The following SRSF3 variants were observed in gnomAD, a reference collection of about 807,000 sequenced individuals.
SRSF3 encodes serine/arginine-rich splicing factor 3.
For missense variants in SRSF3, 58 were observed against 217.1 expected (o/e 0.27, Z 4.61); for synonymous variants, 87 against 73.6 (o/e 1.18, Z -0.93).
intron 4 of SRSF3, 139 bp downstream of exon 4, chr6:36,601,329 C>G: frequency 2.4e-6 from 2 of 820,572 alleles, no homozygotes; most frequent in South Asian, 3.5e-5. Context: ...AGTCAGCTTT[C>G]TTTGAGTTTT....
intron 3 of SRSF3, chr6:36,600,340 ATTC>A: frequency 2.1e-6 from 2 of 940,144 alleles, no homozygotes; most frequent in Middle Eastern, 5.4e-4. Context: ...GCTTAAAGTA[ATTC>A]TTTTTTCTGG....
At position 36,601,940 on chromosome 6, in the gene SRSF3, CTTTTTTTTTTTTT is replaced by C. The variant is rs778276944; in HGVS notation, c.468-15_468-3del. The C allele has an allele frequency of 3.8e-5, 55 of 1,433,168 alleles. 3 individuals are homozygous for C. The Admixed American group carries it at 1.4e-3, about 37-fold the overall frequency. The allele number at this position is 1,433,168 out of a possible 1,614,324, so 88.8% of individuals were successfully genotyped here. On this transcript the variant is annotated splice_polypyrimidine_tract_variant and intron_variant, in intron 5 of 5. Transcript: ENST00000373715. ...AGTTACAGATGTAATGTTTTGTTTT[CTTTTTTTTTTTTT>C]TTTTTTAGTCGATCTAGGTCAAATG...
rs1228342135 is a variant in SRSF3 at position 36,603,107 on chromosome 6, T to A, written c.*1118T>A. On this transcript the variant is annotated 3_prime_UTR_variant, in exon 6 of 6. Coordinates refer to ENST00000373715, the MANE Select transcript of SRSF3 (RefSeq NM_003017.5). ...TTTTTTTTTAGGCATAGAAGCCAGTTCAGGGTCCATAATATTTAGTGACCA... is the reference window on the plus strand; with the variant it reads ...TTTTTTTTTAGGCATAGAAGCCAGTACAGGGTCCATAATATTTAGTGACCA... 4.5e-6 allele frequency: 1 copy of A among 222,962 alleles called. No homozygotes were observed. The highest frequency in any genetic ancestry group is 2.2e-5 in the African/African-American group (1 of 44,810). 13.8% of individuals were successfully genotyped at this position (222,962 alleles called of 1,614,324 possible). A position where few individuals can be genotyped will look rare whatever the true frequency, so the allele number is the denominator to read the frequency against.
chr6:36,598,537 C>A (rs1305707509), intron 2 of SRSF3: 5 of 260,276 alleles, frequency 1.9e-5, no homozygotes, highest in Non-Finnish European at 3.8e-5. Context: ...GCATGTACCA[C>A]CACACCTGGC....
At position 36,603,607 on chromosome 6, in the gene SRSF3, A is replaced by G. The variant is rs964097960; in HGVS notation, c.*1618A>G. The G allele has an allele frequency of 3.5e-5, 8 of 228,966 alleles. No individual in the cohort carries two copies. Among genetic ancestry groups the G allele is most frequent in the African/African-American group, 1.8e-4 (8 of 45,152 alleles). The allele number at this position is 228,966 out of a possible 1,614,324, so 14.2% of individuals were successfully genotyped here. On this transcript the variant is annotated 3_prime_UTR_variant, in exon 6 of 6. Transcript: ENST00000373715. ...CACCTTTTACACAAATCTTGGGAGA[A>G]TTGGTGTCAGGAAGGTTCAGCCTTA...
At chr6:36,597,944 C>T (rs1017816298) in intron 2 of SRSF3, among the ~76,000 whole-genome samples, 10 of 152,106 alleles carry the variant, frequency 6.6e-5, no homozygotes, top group African/African-American at 2.4e-4. Context: ...ATCCTCCTGC[C>T]TCAGCCTCTC....
Position 36,602,270 on chromosome 6 carries a change from A to C in SRSF3, c.*281A>C. 1 of 438,404 alleles carries C rather than the reference A, an allele frequency of 2.3e-6. No homozygotes were observed. The highest frequency in any genetic ancestry group is 3.8e-6 in the Non-Finnish European group (1 of 261,308). The allele number at this position is 438,404 out of a possible 1,614,324, so 27.2% of individuals were successfully genotyped here. ...TGAACTTTTAGTTATGCACAGACTG[A>C]TAATAAACCTCTAAACCTGCCCAGC... On this transcript the variant is annotated 3_prime_UTR_variant, in exon 6 of 6. Transcript: ENST00000373715.
At chr6:36,596,147 C>T (rs1222889319) in intron 1 of SRSF3, among the ~76,000 whole-genome samples, 1 of 152,114 alleles carries the variant, frequency 6.6e-6, no homozygotes, top group African/African-American at 2.4e-5. Flanking sequence ...CTGGGTCGAA[C>T]TCCTGACCTC....
In SRSF3 at chr6:36,603,939, C is replaced by T. The variant is rs1329211937; in HGVS notation, c.*1950C>T. The T allele has an allele frequency of 2.2e-5, 5 of 230,350 alleles. No homozygotes were observed. Among genetic ancestry groups the T allele is most frequent in the Non-Finnish European group, 4.3e-5 (5 of 116,522 alleles). The allele number at this position is 230,350 out of a possible 1,614,324, so 14.3% of individuals were successfully genotyped here. On this transcript the variant is annotated 3_prime_UTR_variant, in exon 6 of 6. Transcript: ENST00000373715. ...TATGGCTAAGAGAAATAATACAGAA[C>T]CTGAAATAAAAGTAACTTCACCAGG...
chr6:36,595,898 C>T (rs1399787228), intron 1 of SRSF3, among the ~76,000 whole-genome samples: 2 of 152,018 alleles, frequency 1.3e-5, no homozygotes, highest in Non-Finnish European at 2.9e-5. Context: ...TTCCAAATGA[C>T]CAAAATAGGC....
At chr6:36,595,627 T>TGTTTTCAA (rs1778614424) in intron 1 of SRSF3, among the ~76,000 whole-genome samples, 1 of 152,224 alleles carries the variant, frequency 6.6e-6, no homozygotes, top group African/African-American at 2.4e-5. Context: ...CTTAGCGTAA[T>TGTTTTCAA]GTTTTCAAGA....
intron 1 of SRSF3, among the ~76,000 whole-genome samples, chr6:36,595,019 A>G (rs1426227348): frequency 6.6e-6 from 1 of 152,188 alleles, no homozygotes. Context: ...GGCTTAAGAC[A>G]GGTGCCAGCA....
Position 36,603,732 on chromosome 6 carries a change from A to G in SRSF3, c.*1743A>G, listed in dbSNP as rs1778761787. 1.3e-5 allele frequency: 3 copies of G among 230,956 alleles called. No individual in the cohort carries two copies. Among genetic ancestry groups the G allele is most frequent in the Non-Finnish European group, 2.6e-5 (3 of 116,778 alleles). The allele number at this position is 230,956 out of a possible 1,614,324, so 14.3% of individuals were successfully genotyped here. On this transcript the variant is annotated 3_prime_UTR_variant, in exon 6 of 6. Transcript: ENST00000373715. ...TGTCTTTAGTATTCTCACATAGCCT[A>G]CAACCTGTTCCTGTTAGGAACAAGC...
Position 36,597,305 on chromosome 6 carries a change from C to T in SRSF3, c.206+337C>T. 7.0e-6 allele frequency: 2 copies of T among 285,060 alleles called. 1 individual carries two copies. The highest frequency in any genetic ancestry group is 7.4e-5 in the South Asian group (2 of 27,160). 17.7% of individuals were successfully genotyped at this position (285,060 alleles called of 1,614,324 possible). On this transcript the variant is annotated intron_variant, in intron 2 of 5. Transcript: ENST00000373715. ...ATTTCTAGCAGAGATGGGGTTTCAC[C>T]ATGTTGGCCAGGCTGGTCTCGAACT...
intron 2 of SRSF3, among the ~76,000 whole-genome samples, chr6:36,597,599 A>T (rs543830498): frequency 1.3e-5 from 2 of 152,002 alleles, no homozygotes; most frequent in African/African-American, 2.4e-5. Flanking sequence ...ATTGACCTCC[A>T]TGCCCCCACC....
chr6:36,595,131 TTAGAC>T (rs1308834035), intron 1 of SRSF3, among the ~76,000 whole-genome samples: 1 of 152,188 alleles, frequency 6.6e-6, no homozygotes, highest in Non-Finnish European at 1.5e-5. Flanking sequence ...GATATTTTAA[TTAGAC>T]AAGCCCAGAG....
Position 36,597,096 on chromosome 6 carries a change from TC to T in SRSF3, c.206+129del, listed in dbSNP as rs372937146. On this transcript the variant is annotated intron_variant, in intron 2 of 5. Coordinates refer to ENST00000373715, the MANE Select transcript of SRSF3 (RefSeq NM_003017.5). ...ATTGTATCTTTAGATACAATTGGGATCTTTTTTTTTTTTTTTTTTTTTGGTG... is the reference window on the plus strand; with the variant it reads ...ATTGTATCTTTAGATACAATTGGGATTTTTTTTTTTTTTTTTTTTTTGGTG... 2,249 of 535,264 alleles carry T rather than the reference TC, an allele frequency of 4.2e-3. 42 individuals carry two copies. The highest frequency in any genetic ancestry group is 0.04 in the African/African-American group (1,847 of 45,656). 33.2% of individuals were successfully genotyped at this position (535,264 alleles called of 1,614,324 possible). A position where few individuals can be genotyped will look rare whatever the true frequency, so the allele number is the denominator to read the frequency against.
intron 4 of SRSF3, 36 bp downstream of exon 4, chr6:36,601,226 A>G (rs2127506505): frequency 1.2e-6 from 2 of 1,611,586 alleles, no homozygotes; most frequent in Non-Finnish European, 8.5e-7. Context: ...GTTCTTAGAA[A>G]TGGCAGTGTT....
Position 36,601,427 on chromosome 6 carries a change from G to A in SRSF3, c.380+237G>A, listed in dbSNP as rs1321588990. Reference sequence around the variant, plus strand: ...AGTGGTGTGATTATAGCTCACTGTAGCCTTTAACTCCTGGCCTTGGAGTGA... The same window carrying A: ...AGTGGTGTGATTATAGCTCACTGTAACCTTTAACTCCTGGCCTTGGAGTGA... On this transcript the variant is annotated intron_variant, in intron 4 of 5. Coordinates refer to ENST00000373715, the MANE Select transcript of SRSF3 (RefSeq NM_003017.5). 33 of 579,432 alleles carry A rather than the reference G, an allele frequency of 5.7e-5. No homozygotes were observed. In the East Asian group the frequency reaches 9.2e-4, roughly 16 times the overall value. 35.9% of individuals were successfully genotyped at this position (579,432 alleles called of 1,614,324 possible).
Sources: gnomAD v4.1 joint callset for allele counts (sites outside exome capture counted in the v4.1 genomes callset) on GRCh38, gnomAD v4.1.1 for gene constraint, MANE v1.5 for transcripts, NCBI Gene and HGNC (gene_info 2026-07-23, HGNC 2026-07-21) for gene names.